PABPC4L: variants seen among roughly 807,000 people sequenced by gnomAD.
PABPC4L encodes the protein polyadenylate-binding protein 4-like.
For synonymous variants in PABPC4L, 169 were observed against 164.1 expected (o/e 1.03, Z -0.23); for missense variants, 452 against 451.4 (o/e 1.00, Z -0.01).
At chr4:134,141,434 AAAAG>A in the PABPC4L span, among the ~76,000 whole-genome samples, 951 of 150,982 alleles carry the variant, frequency 6.3e-3, 8 homozygotes, top group African/African-American at 0.022. Flanking sequence ...AAAGATGAGA[AAAAG>A]AAAGTAAATA....
At chr4:134,069,678 G>T in the PABPC4L span, among the ~76,000 whole-genome samples, 1 of 152,030 alleles carries the variant, frequency 6.6e-6, no homozygotes, top group African/African-American at 2.4e-5. Flanking sequence ...AATCAGTTTG[G>T]TTCTTTCTTA....
chr4:134,124,817 G>A, the PABPC4L span, among the ~76,000 whole-genome samples: 3 of 152,044 alleles, frequency 2.0e-5, no homozygotes, highest in Non-Finnish European at 4.4e-5. Context: ...AGACCTAGCT[G>A]TGAGCACCAA....
chr4:133,976,169 A>G, the PABPC4L span, among the ~76,000 whole-genome samples: 1 of 151,832 alleles, frequency 6.6e-6, no homozygotes, highest in African/African-American at 2.4e-5. Context: ...ATATGTTCTC[A>G]TTGTTCAGGT....
At chr4:134,084,873 T>C in the PABPC4L span, among the ~76,000 whole-genome samples, 1 of 152,088 alleles carries the variant, frequency 6.6e-6, no homozygotes, top group Non-Finnish European at 1.5e-5. Flanking sequence ...AGGGAAAGAT[T>C]AGGCTCACAA....
chr4:134,085,138 A>T, the PABPC4L span, among the ~76,000 whole-genome samples: 1 of 152,082 alleles, frequency 6.6e-6, no homozygotes, highest in East Asian at 1.9e-4. Flanking sequence ...GTTGAGCTTC[A>T]TGTGGGACCA....
the PABPC4L span, among the ~76,000 whole-genome samples, chr4:134,190,817 G>C: frequency 4.6e-5 from 7 of 151,920 alleles, no homozygotes; most frequent in African/African-American, 1.7e-4. Flanking sequence ...ACGCCTAGCT[G>C]ATTTTTATAT....
the PABPC4L span, among the ~76,000 whole-genome samples, chr4:134,173,174 A>AG: frequency 6.0e-5 from 9 of 150,968 alleles, no homozygotes; most frequent in East Asian, 1.6e-3. Context: ...AAAAAAAAAA[A>AG]AAAAAAGAAA....
At chr4:134,141,857 C>T in the PABPC4L span, among the ~76,000 whole-genome samples, 1 of 151,570 alleles carries the variant, frequency 6.6e-6, no homozygotes, top group Admixed American at 6.6e-5. Flanking sequence ...CACTGTACTG[C>T]TAACTAGGTC....
At chr4:134,063,511 A>C in the PABPC4L span, among the ~76,000 whole-genome samples, 29 of 152,048 alleles carry the variant, frequency 1.9e-4, no homozygotes, top group African/African-American at 6.5e-4. Context: ...AAAATAGTAT[A>C]AAGACAATTA....
chr4:134,173,898 G>T, the PABPC4L span, among the ~76,000 whole-genome samples: 2 of 151,792 alleles, frequency 1.3e-5, no homozygotes, highest in Non-Finnish European at 1.5e-5. Context: ...TAACCTGATG[G>T]TACTGTAACT....
At position 134,200,086 on chromosome 4, in the gene PABPC4L, C is replaced by G. The variant is rs868469335; in HGVS notation, c.934G>C (p.Glu312Gln). The G allele has an allele frequency of 1.3e-6, 2 of 1,551,600 alleles. No individual in the cohort carries two copies. Among genetic ancestry groups the G allele is most frequent in the Non-Finnish European group, 8.7e-7 (1 of 1,146,948 alleles). ...DTIDDEKLRN[E>Q]FSSFGSISRV... Reference sequence around the variant, plus strand: ...CTAATTGATCCAAATGAAGAAAATTCGTTTCGTAGTTTTTCATCATCGATG... The same window carrying G: ...CTAATTGATCCAAATGAAGAAAATTGGTTTCGTAGTTTTTCATCATCGATG... Residue 312 changes from glutamate to glutamine, a missense_variant, in exon 2 of 2, where the codon GAA (glutamate) becomes CAA (glutamine). Transcript: ENST00000421491.
At chr4:134,096,480 A>T in the PABPC4L span, among the ~76,000 whole-genome samples, 1 of 151,962 alleles carries the variant, frequency 6.6e-6, no homozygotes, top group Admixed American at 6.6e-5. Context: ...AAATATTGGA[A>T]GCCTACAAGT....
chr4:134,105,250 C>T, the PABPC4L span, among the ~76,000 whole-genome samples: 1 of 151,702 alleles, frequency 6.6e-6, no homozygotes, highest in African/African-American at 2.4e-5. Flanking sequence ...CAGTGACGTA[C>T]ACACTTCAAT....
the PABPC4L span, among the ~76,000 whole-genome samples, chr4:134,091,385 C>T: frequency 6.6e-6 from 1 of 151,648 alleles, no homozygotes; most frequent in Non-Finnish European, 1.5e-5. Context: ...AAATGCTTTC[C>T]TTTCTTCTTT....
the PABPC4L span, chr4:133,978,921 G>A: frequency 1.7e-4 from 26 of 152,076 alleles, no homozygotes; most frequent in Non-Finnish European, 3.7e-4. Context: ...AAGACAGTTT[G>A]TCAGTTATGA....
chr4:134,120,684 A>G, the PABPC4L span, among the ~76,000 whole-genome samples: 1 of 151,400 alleles, frequency 6.6e-6, no homozygotes, highest in Admixed American at 6.6e-5. Context: ...TTCTTATTAT[A>G]AAGTCAGCTA....
chr4:134,183,653 A>G, the PABPC4L span, among the ~76,000 whole-genome samples: 1 of 151,902 alleles, frequency 6.6e-6, no homozygotes, highest in Non-Finnish European at 1.5e-5. Context: ...TTAGAAGTAA[A>G]TGTGTTTCCA....
the PABPC4L span, among the ~76,000 whole-genome samples, chr4:134,083,051 A>G: frequency 6.6e-6 from 1 of 152,188 alleles, no homozygotes; most frequent in Admixed American, 6.6e-5. Context: ...CAGCAGTAGA[A>G]TTGACTTGAT....
the PABPC4L span, among the ~76,000 whole-genome samples, chr4:134,119,406 A>C: frequency 6.6e-6 from 1 of 151,708 alleles, no homozygotes; most frequent in African/African-American, 2.4e-5. Context: ...TCATATAATT[A>C]TTTCTGATTA....
Sources: allele counts gnomAD v4.1 joint callset (sites outside exome capture counted in the v4.1 genomes callset), GRCh38; gene constraint gnomAD v4.1.1; transcripts MANE v1.5; gene names NCBI Gene and HGNC (gene_info 2026-07-23, HGNC 2026-07-21).